Variants in LINGO1 observed in about 807,000 individuals in gnomAD.
The protein encoded by LINGO1 is leucine-rich repeat and immunoglobulin-like domain-containing nogo receptor-interacting protein 1.
Under a neutral mutation model 37.3 loss-of-function variants are expected in LINGO1, and 11 were observed. The ratio of observed to expected loss-of-function variants is 0.29; its 90% CI spans 0.19 to 0.49. The LOEUF is 0.49. LINGO1 is among the 20% of genes least tolerant of loss of function. The probability of loss-of-function intolerance (pLI) is 0.99; values close to 1 mark genes in which losing one functional copy is unlikely to be tolerated. For missense variants in LINGO1, 585 were observed against 878.2 expected, an observed-to-expected ratio of 0.67 and a Z score of 4.22; for synonymous variants, 387 against 403.0, an observed-to-expected ratio of 0.96 and a Z score of 0.48.
intron 1 of LINGO1, among the ~76,000 whole-genome samples, chr15:77,625,935 GC>G (rs1328438247): frequency 2.0e-5 from 3 of 152,164 alleles, no homozygotes; most frequent in African/African-American, 7.2e-5. Context: ...TTTATATCGA[GC>G]ACACACACTA....
chr15:77,785,966 G>A (rs989824801), intron 1 of LINGO1, among the ~76,000 whole-genome samples: 7 of 152,188 alleles, frequency 4.6e-5, no homozygotes, highest in Non-Finnish European at 7.3e-5. Flanking sequence ...CATTCAGTGA[G>A]GCGGGGGAAG....
intron 2 of LINGO1, among the ~76,000 whole-genome samples, chr15:77,685,043 G>T (rs1412337576): frequency 1.3e-5 from 2 of 150,518 alleles, no homozygotes. Flanking sequence ...GTTGGGGGAG[G>T]GAAGCTCCAG....
intron 3 of LINGO1, among the ~76,000 whole-genome samples, chr15:77,652,483 AGTGTGT>A (rs773433884): frequency 0.033 from 4,271 of 128,926 alleles, 89 homozygotes; most frequent in Non-Finnish European, 0.043. Context: ...GGGGAGGGAG[AGTGTGT>A]GTGTGTGTGT....
intron 1 of LINGO1, among the ~76,000 whole-genome samples, chr15:77,625,162 G>A (rs573804295): frequency 1.3e-5 from 2 of 152,258 alleles, no homozygotes; most frequent in African/African-American, 2.4e-5. Flanking sequence ...TGCTTGGGGT[G>A]GGGGGTGCCA....
upstream of LINGO1, among the ~76,000 whole-genome samples, chr15:77,699,430 C>T (rs1349359175): frequency 2.6e-3 from 11 of 4,250 alleles, no homozygotes; most frequent in South Asian, 0.042. Flanking sequence ...GCATACAAAC[C>T]ATCCCCACAT....
rs1047636746 is a variant in LINGO1, at chr15:77,632,496, G to A, written c.-181C>T. On this transcript the variant is annotated 5_prime_UTR_variant, in exon 1 of 2. Coordinates refer to ENST00000355300, the MANE Select transcript of LINGO1 (RefSeq NM_032808.7). The surrounding 1 kb of genome is among the most constrained non-coding windows in gnomAD (Gnocchi z 6.0). ...TCCGTCTGTCCGCCCCGCGCGGGCG[G>A]GAGCCGAGCCGGAGCCGGGGCCGGG... The A allele has an allele frequency of 1.9e-5, 10 of 519,550 alleles. No homozygotes were observed. Among genetic ancestry groups the A allele is most frequent in the African/African-American group, 1.4e-4 (7 of 49,680 alleles). 32.2% of individuals were successfully genotyped at this position (519,550 alleles called of 1,614,324 possible).
chr15:77,810,297 CG>C (rs2076994561), intron 1 of LINGO1, among the ~76,000 whole-genome samples: 1 of 147,530 alleles, frequency 6.8e-6, no homozygotes, highest in Admixed American at 6.7e-5. Flanking sequence ...CACACACACA[CG>C]GGTAACTAGG....
intron 1 of LINGO1, among the ~76,000 whole-genome samples, chr15:77,759,126 T>C (rs1169691742): frequency 6.6e-6 from 1 of 152,220 alleles, no homozygotes; most frequent in African/African-American, 2.4e-5. Context: ...ACACAGGGGA[T>C]GGGCATGTGA....
chr15:77,761,575 A>G (rs1175322526), intron 1 of LINGO1, among the ~76,000 whole-genome samples: 2 of 152,228 alleles, frequency 1.3e-5, no homozygotes, highest in African/African-American at 4.8e-5. Context: ...AGATGTCTAG[A>G]CTACAAATGC....
intron 2 of LINGO1, among the ~76,000 whole-genome samples, chr15:77,701,502 T>C (rs1156345373): frequency 2.0e-5 from 3 of 152,078 alleles, no homozygotes. Flanking sequence ...TGTGATATAG[T>C]TTGGGTGTCT....
intron 1 of LINGO1, among the ~76,000 whole-genome samples, chr15:77,759,153 G>A (rs2076449739): frequency 6.6e-6 from 1 of 152,212 alleles, no homozygotes; most frequent in Admixed American, 6.5e-5. Flanking sequence ...CAGATTAAAT[G>A]CCCATGTGTG....
At chr15:77,681,658 G>T (rs11857909) in intron 2 of LINGO1, among the ~76,000 whole-genome samples, 18,659 of 152,100 alleles carry the variant, frequency 0.12, 1,239 homozygotes, top group Middle Eastern at 0.19. Flanking sequence ...CCAAGGGTGT[G>T]GGGGGGCTGA....
intron 3 of LINGO1, among the ~76,000 whole-genome samples, chr15:77,645,690 C>A (rs1023814234): frequency 6.6e-6 from 1 of 152,224 alleles, no homozygotes; most frequent in East Asian, 1.9e-4. Context: ...ATCCCATACA[C>A]GTCTTCCCAG....
chr15:77,634,466 A>G (rs2141089314), upstream of LINGO1: 1 of 381,856 alleles, frequency 2.6e-6, no homozygotes, highest in East Asian at 7.4e-5. Flanking sequence ...TTCACCCTCC[A>G]GCAACTCTGG....
rs1178489044 is a variant in LINGO1 at position 77,614,760 on chromosome 15, G to A, written c.1147C>T (p.Arg383Cys). 3 of 1,607,388 alleles carry A rather than the reference G, an allele frequency of 1.9e-6. No individual in the cohort carries two copies. Among genetic ancestry groups the A allele is most frequent in the Non-Finnish European group, 2.5e-6 (3 of 1,176,992 alleles). The change falls in exon 2 of 2, where the codon CGC becomes TGC. Residue 383 changes from arginine to cysteine, a missense_variant. Around this residue, in one of 4 missense-constraint regions of LINGO1, gnomAD observed 484 missense variants for 735.0 expected, o/e 0.66. Coordinates refer to ENST00000355300, the MANE Select transcript of LINGO1 (RefSeq NM_032808.7). ...CDCRLLWVFR[R>C]RWRLNFNRQQ... is the part of the protein sequence containing the mutation. ...CGGTTGAAGTTGAGCCGCCAGCGGC[G>A]CCGGAACACCCACAGGAGCCGACAG...
intron 3 of LINGO1, among the ~76,000 whole-genome samples, chr15:77,653,910 T>A (rs2074815711): frequency 6.6e-6 from 1 of 152,234 alleles, no homozygotes; most frequent in Non-Finnish European, 1.5e-5. Context: ...CATCCCTGTG[T>A]GCTAGTTCCC....
At position 77,783,065 on chromosome 15, in the gene LINGO1, T is replaced by C. The variant is rs980704242; in HGVS notation, c.-257+3804A>G. Among the ~76,000 whole-genome samples, 3 of 152,228 alleles carry C rather than the reference T, an allele frequency of 2.0e-5. No homozygotes were observed. In the East Asian group the frequency reaches 5.8e-4, roughly 29 times the overall value. ...AGCCTTTGCCTTGACATTCAGCCCCTTCAGCCTCAAAGTCACCTCTTCAGA... is the reference window on the plus strand; with the variant it reads ...AGCCTTTGCCTTGACATTCAGCCCCCTCAGCCTCAAAGTCACCTCTTCAGA... On this transcript the variant is annotated intron_variant, in intron 1 of 3. Coordinates refer to the LINGO1 transcript ENST00000561686.
At chr15:77,616,832 TA>T (rs1474829274) in intron 1 of LINGO1, among the ~76,000 whole-genome samples, 3 of 152,190 alleles carry the variant, frequency 2.0e-5, no homozygotes, top group Non-Finnish European at 2.9e-5. Flanking sequence ...CCACAAGGCC[TA>T]ATTGAAGTCC....
chr15:77,666,473 G>A (rs1377668749), intron 3 of LINGO1, among the ~76,000 whole-genome samples: 8 of 152,212 alleles, frequency 5.3e-5, no homozygotes, highest in Non-Finnish European at 4.4e-5. Flanking sequence ...GGCACTGGGT[G>A]AGGGGCTGGG....
Sources: allele counts gnomAD v4.1 joint callset (sites outside exome capture counted in the v4.1 genomes callset), GRCh38; gene constraint gnomAD v4.1.1; regional missense constraint gnomAD v4.1.1; non-coding constraint Gnocchi (gnomAD v3.1); transcripts MANE v1.5; gene names NCBI Gene and HGNC (gene_info 2026-07-23, HGNC 2026-07-21).